The following YES1 variants were observed in gnomAD, a reference collection of about 807,000 sequenced individuals.
YES1 encodes YES proto-oncogene 1, Src family tyrosine kinase.
Under a neutral mutation model 70.4 loss-of-function variants are expected in YES1, and 39 were observed. The observed-to-expected ratio is 0.55, with a 90% CI of 0.43 to 0.72. The LOEUF (loss-of-function observed/expected upper bound fraction) is 0.72. Ranked by LOEUF, YES1 falls within the 30% of genes least tolerant of loss-of-function variation. The pLI is 0.00. For synonymous variants in YES1, 198 were observed against 218.6 expected (o/e 0.91, Z 0.83); for missense variants, 495 against 644.8 (o/e 0.77, Z 2.52).
chr18:746,063 TTAAG>T lies in YES1; in HGVS notation c.471-16_471-13del, dbSNP rs1226946518. On this transcript the variant is annotated splice_polypyrimidine_tract_variant and intron_variant, in intron 4 of 11. Transcript: ENST00000314574. ...TGCCAAAATACCATCTGGAAAAAAA[TTAAG>T]TGTTTTGAATTGAAAAGTATGAGGT... The T allele has an allele frequency of 6.3e-7, 1 of 1,598,490 alleles. No individual in the cohort carries two copies. Among genetic ancestry groups the T allele is most frequent in the South Asian group, 1.1e-5 (1 of 90,168 alleles).
chr18:789,975 T>G (rs1295810844), intron 1 of YES1, among the ~76,000 whole-genome samples: 1 of 152,144 alleles, frequency 6.6e-6, no homozygotes, highest in Non-Finnish European at 1.5e-5. Flanking sequence ...GGAGAACTGC[T>G]TGAACCAGGG....
At chr18:742,070 A>G (rs374656248) in intron 8 of YES1, among the ~76,000 whole-genome samples, 57 of 152,158 alleles carry the variant, frequency 3.7e-4, no homozygotes, top group Admixed American at 3.2e-3. Context: ...ACCACTGGAG[A>G]GGGTGACATA....
At chr18:784,525 T>A (rs367550558) in intron 1 of YES1, among the ~76,000 whole-genome samples, 4 of 152,220 alleles carry the variant, frequency 2.6e-5, no homozygotes, top group African/African-American at 9.6e-5. Flanking sequence ...AACGTATTTA[T>A]CTTACAGTTC....
At chr18:769,315 G>A (rs1905056056) in intron 1 of YES1, among the ~76,000 whole-genome samples, 1 of 152,148 alleles carries the variant, frequency 6.6e-6, no homozygotes, top group African/African-American at 2.4e-5. Flanking sequence ...AAACTCTTAT[G>A]ATTTCTAGTA....
intron 11 of YES1, among the ~76,000 whole-genome samples, chr18:729,585 G>GATT (rs1044825097): frequency 2.7e-5 from 4 of 145,456 alleles, no homozygotes; most frequent in African/African-American, 1.0e-4. Context: ...CCAAGATTTG[G>GATT]ATTATCTCAG....
intron 1 of YES1, among the ~76,000 whole-genome samples, chr18:804,318 A>G (rs1906974231): frequency 6.6e-6 from 1 of 152,202 alleles, no homozygotes; most frequent in African/African-American, 2.4e-5. Flanking sequence ...TTATTACGAA[A>G]AAATCTGGGC....
At chr18:746,218 T>C (rs1483580576) in intron 4 of YES1, among the ~76,000 whole-genome samples, 167 bp from the exon 5 acceptor site, 1 of 152,134 alleles carries the variant, frequency 6.6e-6, no homozygotes, top group African/African-American at 2.4e-5. Context: ...AATAGTAATA[T>C]CACAAATATT....
At chr18:736,999 T>C (rs764251649) in intron 9 of YES1, 38 bp from the exon 10 acceptor site, 46 of 1,520,636 alleles carry the variant, frequency 3.0e-5, no homozygotes, top group East Asian at 9.3e-5. Flanking sequence ...AGACATACGA[T>C]ACAAAGGGAA....
intron 1 of YES1, among the ~76,000 whole-genome samples, chr18:810,811 T>G (rs1907335059): frequency 2.0e-5 from 3 of 152,150 alleles, no homozygotes; most frequent in African/African-American, 4.8e-5. Flanking sequence ...CCATATATAT[T>G]ATTTGCTAAA....
At chr18:766,833 T>C (rs1433448928) in intron 1 of YES1, among the ~76,000 whole-genome samples, 2 of 152,180 alleles carry the variant, frequency 1.3e-5, no homozygotes, top group African/African-American at 4.8e-5. Context: ...TTTACTACTC[T>C]AACACTATTA....
chr18:800,943 C>T lies in YES1; in HGVS notation c.-9+11171G>A, dbSNP rs138740350. On this transcript the variant is annotated intron_variant, in intron 1 of 11. Transcript: ENST00000314574. ...CGGGTGGATCACGAGGTCAGGAGAT[C>T]GAGACCATCCTGGCCAACTTGGTGA... 3.3e-5 allele frequency among the ~76,000 whole-genome samples: 5 copies of T among 152,062 alleles called. No individual in the cohort carries two copies. The South Asian group carries it at 8.3e-4, about 25-fold the overall frequency.
rs553596763 is a variant in YES1, at chr18:751,422, T to A, written c.371+283A>T. Among the ~76,000 whole-genome samples, 20 of 152,282 alleles carry A rather than the reference T, an allele frequency of 1.3e-4. 1 individual carries two copies. Among genetic ancestry groups the A allele is most frequent in the South Asian group, 1.0e-3 (5 of 4,826 alleles). The stretch of plus-strand genomic sequence containing the variant: ...ATCAAACTCTCTTTATAAAGTTTTT[T>A]AAAAAAATAATACACTTGCATGTAC... On this transcript the variant is annotated intron_variant, in intron 3 of 11. Transcript: ENST00000314574.
intron 1 of YES1, among the ~76,000 whole-genome samples, chr18:772,448 T>C (rs995865738): frequency 7.2e-5 from 11 of 151,978 alleles, no homozygotes; most frequent in African/African-American, 2.7e-4. Context: ...TTCTTTTTTT[T>C]TGAGATAGAG....
chr18:776,816 G>C (rs906243541), intron 1 of YES1, among the ~76,000 whole-genome samples: 1 of 152,078 alleles, frequency 6.6e-6, no homozygotes, highest in Non-Finnish European at 1.5e-5. Flanking sequence ...TTATAAAGTA[G>C]AACTCTGTCT....
chr18:748,243 T>C (rs543044066), intron 3 of YES1, among the ~76,000 whole-genome samples: 2 of 152,254 alleles, frequency 1.3e-5, no homozygotes, highest in East Asian at 3.9e-4. Context: ...AGCCTCAAAA[T>C]CCTACACACT....
chr18:740,191 T>C (rs886940761), intron 8 of YES1, among the ~76,000 whole-genome samples: 7 of 152,170 alleles, frequency 4.6e-5, no homozygotes, highest in African/African-American at 1.7e-4. Context: ...AAACTAAATA[T>C]AGGTAGCTAA....
At chr18:760,473 A>C (rs772469496) in intron 1 of YES1, among the ~76,000 whole-genome samples, 13 of 152,136 alleles carry the variant, frequency 8.5e-5, no homozygotes, top group African/African-American at 1.2e-4. Context: ...CTGTCTAAAA[A>C]AAACAAACAA....
Position 810,045 on chromosome 18 carries a change from C to T in YES1, c.-9+2069G>A, listed in dbSNP as rs144513898. 1.3e-3 allele frequency among the ~76,000 whole-genome samples: 194 copies of T among 151,332 alleles called. 1 individual carries two copies. The highest frequency in any genetic ancestry group is 4.0e-3 in the African/African-American group (164 of 41,212). On this transcript the variant is annotated intron_variant, in intron 1 of 11. Coordinates refer to ENST00000314574, the MANE Select transcript of YES1 (RefSeq NM_005433.4). ...TTTTTAATTACCCAAGTTTGGGTGA[C>T]CCCAGCGCTTAGCATCACTTAAAAA... is the stretch of plus-strand genomic sequence containing the variant.
At chr18:726,781 C>CAAAAAAAAAAAAAAAAAAAAAA (rs58322434) in intron 11 of YES1, among the ~76,000 whole-genome samples, 1 of 47,232 alleles carries the variant, frequency 2.1e-5, no homozygotes, top group African/African-American at 8.7e-5. Context: ...ACTCTTGTCT[C>CAAAAAAAAAAAAAAAAAAAAAA]AAAAAAAAAA....
Sources: gnomAD v4.1 joint callset for allele counts (sites outside exome capture counted in the v4.1 genomes callset) on GRCh38, gnomAD v4.1.1 for gene constraint, MANE v1.5 for transcripts, NCBI Gene and HGNC (gene_info 2026-07-23, HGNC 2026-07-21) for gene names.